Variants in SPECC1 observed in about 807,000 individuals in gnomAD.
SPECC1 encodes the protein cytospin-B.
SPECC1 carries 62 observed loss-of-function variants against 104.1 expected under a neutral mutation model. The observed-to-expected ratio is 0.60, with a 90% CI of 0.49 to 0.74. The LOEUF (loss-of-function observed/expected upper bound fraction) is 0.74. Ranked by LOEUF, SPECC1 falls within the 30% of genes least tolerant of loss-of-function variation. The probability of loss-of-function intolerance (pLI) is 0.00; values close to 1 mark genes in which losing one functional copy is unlikely to be tolerated. For synonymous variants in SPECC1, 513 were observed against 501.6 expected, an observed-to-expected ratio of 1.02 and a Z score of -0.30; for missense variants, 1,306 against 1,310.5, an observed-to-expected ratio of 1.00 and a Z score of 0.05.
At chr17:20,113,822 C>A (rs563556579) in intron 3 of SPECC1, among the ~76,000 whole-genome samples, 1 of 152,356 alleles carries the variant, frequency 6.6e-6, no homozygotes, top group South Asian at 2.1e-4. Context: ...TTTTCTCATA[C>A]AATCAGCACA....
chr17:20,105,110 G>C (rs1443209201), intron 2 of SPECC1, among the ~76,000 whole-genome samples: 1 of 151,672 alleles, frequency 6.6e-6, no homozygotes, highest in Non-Finnish European at 1.5e-5. Flanking sequence ...TTCGGTGGGG[G>C]GGCGGGAGAC....
chr17:20,260,943 TC>T lies in SPECC1; in HGVS notation c.2940+652del, dbSNP rs1203316159. Among the ~76,000 whole-genome samples the T allele has an allele frequency of 6.6e-5, 10 of 152,282 alleles. No homozygotes were observed. In the East Asian group the frequency reaches 1.9e-3, roughly 29 times the overall value. On this transcript the variant is annotated intron_variant, in intron 12 of 14. Coordinates refer to ENST00000395527, the MANE Select transcript of SPECC1 (RefSeq NM_001243439.2). ...CTGTAAATCAGTTGTTTAGCATTCT[TC>T]CCTGAGATGAGGACATTTGCAACTT...
chr17:20,268,312 T>G (rs1227661891), intron 12 of SPECC1, among the ~76,000 whole-genome samples: 1 of 152,190 alleles, frequency 6.6e-6, no homozygotes, highest in Non-Finnish European at 1.5e-5. Context: ...AAAAAATCAG[T>G]CTTTGTGTGT....
intron 3 of SPECC1, chr17:20,111,747 CGGAAGGAGAAAAAGGT>C: frequency 1.6e-6 from 1 of 641,196 alleles, no homozygotes; most frequent in Non-Finnish European, 2.8e-6. Context: ...AGGGGAAAGG[CGGAAGGAGAAAAAGGT>C]GGGAGGAGGA....
chr17:20,090,707 T>G (rs149622828), intron 1 of SPECC1, among the ~76,000 whole-genome samples: 1 of 152,190 alleles, frequency 6.6e-6, no homozygotes, highest in Non-Finnish European at 1.5e-5. Flanking sequence ...TAACTACTTA[T>G]TAGTGGTCAT....
At chr17:20,211,460 T>C (rs147799434) in intron 4 of SPECC1, among the ~76,000 whole-genome samples, 4 of 152,324 alleles carry the variant, frequency 2.6e-5, no homozygotes, top group Non-Finnish European at 5.9e-5. Flanking sequence ...AAGCCTCTGC[T>C]CAAGGGGCTG....
At chr17:20,079,986 C>T (rs1041600214) in intron 1 of SPECC1, among the ~76,000 whole-genome samples, 2 of 152,174 alleles carry the variant, frequency 1.3e-5, no homozygotes, top group African/African-American at 4.8e-5. Flanking sequence ...TTCACTGGGA[C>T]CACTGTTTCC....
chr17:20,045,286 G>A lies in SPECC1; in HGVS notation c.-22+35862G>A, dbSNP rs549147656. The stretch of plus-strand genomic sequence containing the variant: ...GACATCCATATCACTCTTTTTGATG[G>A]TTGAATGATGGGTACATACCCTCAT... On this transcript the variant is annotated intron_variant, in intron 1 of 14. Coordinates refer to ENST00000395527, the MANE Select transcript of SPECC1 (RefSeq NM_001243439.2). Among the ~76,000 whole-genome samples, 3 of 152,228 alleles carry A rather than the reference G, an allele frequency of 2.0e-5. No individual in the cohort carries two copies. In the South Asian group the frequency reaches 6.2e-4, roughly 32 times the overall value.
chr17:20,109,556 G>GA (rs1173368429), intron 2 of SPECC1, among the ~76,000 whole-genome samples: 1 of 152,226 alleles, frequency 6.6e-6, no homozygotes, highest in Non-Finnish European at 1.5e-5. Flanking sequence ...TGACAGGGAA[G>GA]AAAGCAAAGC....
intron 4 of SPECC1, among the ~76,000 whole-genome samples, chr17:20,220,689 C>CTT (rs1214771297): frequency 1.3e-5 from 2 of 150,894 alleles, no homozygotes. Context: ...TGTCTGATTG[C>CTT]TTTAGCTGGG....
At position 20,073,202 on chromosome 17, in the gene SPECC1, C is replaced by A. The variant is rs550265324; in HGVS notation, c.-21-23429C>A. 6.0e-4 allele frequency among the ~76,000 whole-genome samples: 92 copies of A among 152,286 alleles called. 2 individuals carry two copies. Among genetic ancestry groups the A allele is most frequent in the Non-Finnish European group, 9.6e-4 (65 of 68,036 alleles). On this transcript the variant is annotated intron_variant, in intron 1 of 14. Transcript: ENST00000395527. ...ATGCTTCCTGGTTGTAGCCCGACTT[C>A]CCCTTCCCACCTAGAACTCACAGTG...
rs1555538234 is a variant in SPECC1 at position 20,314,700 on chromosome 17, C to CCAA, written c.*635_*636insCAA. ...AACCCTCCCTTCCCCCCTCCCCCCC[C>CCAA]AAAAAAAAACAACAAAACACAAAAA... On this transcript the variant is annotated 3_prime_UTR_variant, in exon 15 of 15. Coordinates refer to ENST00000395527, the MANE Select transcript of SPECC1 (RefSeq NM_001243439.2). The CCAA allele has an allele frequency of 1.2e-4, 23 of 190,008 alleles. No homozygotes were observed. Among genetic ancestry groups the CCAA allele is most frequent in the African/African-American group, 5.1e-4 (19 of 37,478 alleles). The allele number at this position is 190,008 out of a possible 1,614,324, so 11.8% of individuals were successfully genotyped here.
At chr17:20,248,359 C>T (rs2039501639) in intron 9 of SPECC1, among the ~76,000 whole-genome samples, 1 of 152,132 alleles carries the variant, frequency 6.6e-6, no homozygotes, top group African/African-American at 2.4e-5. Flanking sequence ...TTCAATAAGT[C>T]GCCCTACAAG....
At chr17:20,017,527 G>C (rs1042579661) in intron 1 of SPECC1, 1 of 153,012 alleles carries the variant, frequency 6.5e-6, no homozygotes, top group Non-Finnish European at 1.5e-5. Context: ...CATTCTCCAA[G>C]TCAGACCAAG....
At chr17:20,018,897 C>A (rs978477712) in intron 1 of SPECC1, among the ~76,000 whole-genome samples, 14 of 152,104 alleles carry the variant, frequency 9.2e-5, no homozygotes, top group Non-Finnish European at 2.1e-4. Context: ...TCATGCAGGC[C>A]CCCTTTGCCC....
At chr17:20,274,303 G>A (rs925565220) in intron 12 of SPECC1, among the ~76,000 whole-genome samples, 40 of 152,242 alleles carry the variant, frequency 2.6e-4, no homozygotes, top group African/African-American at 8.4e-4. Flanking sequence ...GGTTGCTGCC[G>A]AGCAGAGAAA....
chr17:20,298,921 A>AAAGAGAGAGAGAGAGAGAGAG (rs1555535541), intron 13 of SPECC1, among the ~76,000 whole-genome samples: 1 of 72,754 alleles, frequency 1.4e-5, no homozygotes, highest in Non-Finnish European at 2.4e-5. Flanking sequence ...GCAGAACCAA[A>AAAGAGAGAGAGAGAGAGAGAG]AGAGAGAGAG....
chr17:20,180,468 C>T (rs116919603), intron 3 of SPECC1, among the ~76,000 whole-genome samples: 31 of 152,262 alleles, frequency 2.0e-4, no homozygotes, highest in Non-Finnish European at 2.6e-4. Context: ...AGAACAAACA[C>T]CAGGAACAAA....
intron 4 of SPECC1, among the ~76,000 whole-genome samples, chr17:20,221,757 T>C (rs1043351454): frequency 6.6e-6 from 1 of 152,154 alleles, no homozygotes; most frequent in African/African-American, 2.4e-5. Context: ...TTTCTCTGTT[T>C]TTGATGTAGG....
Sources: allele counts gnomAD v4.1 joint callset (sites outside exome capture counted in the v4.1 genomes callset), GRCh38; gene constraint gnomAD v4.1.1; transcripts MANE v1.5; gene names NCBI Gene and HGNC (gene_info 2026-07-23, HGNC 2026-07-21).